Variants in NRG4 observed in about 807,000 individuals in gnomAD.
NRG4 encodes the protein neuregulin 4, also known as pro-neuregulin-4, membrane-bound isoform.
Under a neutral mutation model 15.0 loss-of-function variants are expected in NRG4, and 10 were observed. The ratio of observed to expected loss-of-function variants is 0.67; its 90% confidence interval spans 0.41 to 1.13. The LOEUF (loss-of-function observed/expected upper bound fraction) is 1.13. Ranked by LOEUF, NRG4 falls within the 50% of genes most tolerant of loss-of-function variation. The probability of loss-of-function intolerance (pLI) is 0.00; values close to 1 mark genes in which losing one functional copy is unlikely to be tolerated. For missense variants in NRG4, 139 were observed against 140.2 expected, an observed-to-expected ratio of 0.99 and a Z score of 0.04; for synonymous variants, 41 against 50.1, an observed-to-expected ratio of 0.82 and a Z score of 0.77.
chr15:76,026,077 AAAG>A (rs1321150877), intron 5 of NRG4, among the ~76,000 whole-genome samples: 1 of 152,198 alleles, frequency 6.6e-6, no homozygotes, highest in Non-Finnish European at 1.5e-5. Context: ...CAGAAGAAGA[AAAG>A]AAGGGGAAAA....
At chr15:75,965,936 A>T (rs1306946163) in intron 3 of NRG4, among the ~76,000 whole-genome samples, 6 of 152,216 alleles carry the variant, frequency 3.9e-5, no homozygotes, top group African/African-American at 1.4e-4. Flanking sequence ...ACTTCTGCAC[A>T]AACTGTTTTA....
chr15:75,984,837 T>A (rs925865903), intron 3 of NRG4, among the ~76,000 whole-genome samples: 12 of 151,906 alleles, frequency 7.9e-5, no homozygotes, highest in Non-Finnish European at 1.2e-4. Context: ...AAGCAGTTTT[T>A]GTTTTGTTTT....
intron 4 of NRG4, among the ~76,000 whole-genome samples, chr15:75,957,911 A>G (rs1385555621): frequency 6.6e-6 from 1 of 152,150 alleles, no homozygotes; most frequent in Non-Finnish European, 1.5e-5. Context: ...TTTATTGAAG[A>G]TATGTACTGA....
chr15:75,999,869 T>C (rs1315594457), intron 3 of NRG4, among the ~76,000 whole-genome samples: 1 of 151,900 alleles, frequency 6.6e-6, no homozygotes, highest in African/African-American at 2.4e-5. Flanking sequence ...GACCTAAAAA[T>C]AAAAAAATTA....
intron 4 of NRG4, 110 bp from the exon 5 acceptor site, chr15:75,956,121 TACAAC>T: frequency 1.5e-6 from 1 of 651,770 alleles, no homozygotes; most frequent in Non-Finnish European, 2.8e-6. Flanking sequence ...TCCCCCTTTT[TACAAC>T]ACATCAAATG....
At chr15:76,004,302 T>G (rs1021977671) in intron 3 of NRG4, among the ~76,000 whole-genome samples, 2 of 151,580 alleles carry the variant, frequency 1.3e-5, no homozygotes, top group African/African-American at 2.4e-5. Context: ...AGAAAGGAAT[T>G]TAAACATTTT....
chr15:76,045,984 C>T (rs750630087), intron 4 of NRG4, among the ~76,000 whole-genome samples: 1 of 151,008 alleles, frequency 6.6e-6, no homozygotes, highest in Admixed American at 6.6e-5. Flanking sequence ...GATGGATACC[C>T]CATTACCCTG....
At chr15:76,009,397 A>T in intron 2 of NRG4, 104 bp from the exon 3 acceptor site, 1 of 552,738 alleles carries the variant, frequency 1.8e-6, no homozygotes, top group Non-Finnish European at 3.2e-6. Flanking sequence ...AATTCTGAAA[A>T]TCAGAATGAA....
At chr15:76,012,790 C>T (rs1212275452), upstream of NRG4, among the ~76,000 whole-genome samples, 1 of 152,046 alleles carries the variant, frequency 6.6e-6, no homozygotes, top group African/African-American at 2.4e-5. Context: ...TGTTACCTTA[C>T]AAGCCAGATA....
rs570809182 is a variant in NRG4, at chr15:75,942,312, C to T, written c.*1326G>A. 1.1e-4 allele frequency: 16 copies of T among 151,972 alleles called. No individual in the cohort carries two copies. The highest frequency in any genetic ancestry group is 7.2e-4 in the Admixed American group (11 of 15,276). The allele number at this position is 151,972 out of a possible 1,614,324, so 9.4% of individuals were successfully genotyped here. On this transcript the variant is annotated 3_prime_UTR_variant, in exon 6 of 6. Transcript: ENST00000394907. ...GACCCTTCATGTAAATTACAGGCTT[C>T]AGCTAGCCTGGATGACAGAGTGAGA...
chr15:75,945,001 A>G, intron 5 of NRG4, among the ~76,000 whole-genome samples: 1 of 151,484 alleles, frequency 6.6e-6, no homozygotes, highest in South Asian at 2.1e-4. Flanking sequence ...GCTGTTTTAT[A>G]TGTGTGTGGA....
intron 3 of NRG4, among the ~76,000 whole-genome samples, chr15:75,983,939 A>T (rs1419899145): frequency 6.6e-6 from 1 of 152,196 alleles, no homozygotes; most frequent in African/African-American, 2.4e-5. Context: ...GATGAAATAA[A>T]TTCAATCTTA....
chr15:76,023,498 C>G (rs2035222082), intron 5 of NRG4, among the ~76,000 whole-genome samples: 1 of 152,188 alleles, frequency 6.6e-6, no homozygotes, highest in South Asian at 2.1e-4. Context: ...TCATCCCCAG[C>G]CCCAAGTCCA....
At chr15:75,967,456 ATTTTTT>A (rs71140189) in intron 3 of NRG4, among the ~76,000 whole-genome samples, 13 of 100,176 alleles carry the variant, frequency 1.3e-4, no homozygotes, top group African/African-American at 4.3e-4. Context: ...AAAATCTTAG[ATTTTTT>A]TTTTTTTTTT....
intron 3 of NRG4, among the ~76,000 whole-genome samples, chr15:75,985,825 T>C (rs1468045679): frequency 7.9e-5 from 12 of 152,066 alleles, no homozygotes; most frequent in Admixed American, 7.9e-4. Flanking sequence ...AACTTAATTA[T>C]GGCCAAAATT....
chr15:76,039,041 G>T (rs2035665782), intron 4 of NRG4, among the ~76,000 whole-genome samples: 1 of 152,170 alleles, frequency 6.6e-6, no homozygotes, highest in Admixed American at 6.5e-5. Flanking sequence ...AAGAACCACA[G>T]CATTACTGGG....
intron 1 of NRG4, among the ~76,000 whole-genome samples, chr15:76,058,125 T>C (rs1271015119): frequency 1.3e-5 from 2 of 152,176 alleles, no homozygotes; most frequent in African/African-American, 4.8e-5. Flanking sequence ...CTGGGCAAGC[T>C]ATGCCAAAGC....
At chr15:75,966,340 C>T (rs780020718) in intron 3 of NRG4, among the ~76,000 whole-genome samples, 22 of 152,270 alleles carry the variant, frequency 1.4e-4, no homozygotes, top group Non-Finnish European at 2.5e-4. Context: ...TATTTCCATG[C>T]TTGTTGGCTA....
chr15:75,957,497 C>T (rs765143414), intron 4 of NRG4, among the ~76,000 whole-genome samples: 35 of 152,146 alleles, frequency 2.3e-4, no homozygotes, highest in Non-Finnish European at 3.7e-4. Context: ...GCATCTTTGA[C>T]GATAATCTGC....
Sources: allele counts gnomAD v4.1 joint callset (sites outside exome capture counted in the v4.1 genomes callset), GRCh38; gene constraint gnomAD v4.1.1; transcripts MANE v1.5; gene names NCBI Gene and HGNC (gene_info 2026-07-23, HGNC 2026-07-21).